OTUD4: variants seen among roughly 807,000 people sequenced by gnomAD.
OTUD4 encodes OTU deubiquitinase 4.
In OTUD4, 24 loss-of-function variants were observed where a neutral mutation model predicts 130.4. The observed-to-expected ratio is 0.18, with a 90% CI of 0.13 to 0.26. The LOEUF is 0.26. OTUD4 is among the 10% of genes least tolerant of loss of function. OTUD4 has a pLI of 1.00. For synonymous variants in OTUD4, 420 were observed against 472.5 expected (o/e 0.89, Z 1.44); for missense variants, 1,031 against 1,329.4 (o/e 0.78, Z 3.49).
rs1750724409 is a variant in OTUD4, at chr4:145,144,385, T to C, written c.1472A>G (p.Gln491Arg). ...ATCACCTACATGTGATGATTTTCTC[T>C]GGACACATGGATTGCTACTCTGAGA... Reference protein sequence around the residue: ...SASQSSNPCVQRKSSHVGDRK... With the variant: ...SASQSSNPCVRRKSSHVGDRK... The change falls in exon 15 of 21, where the codon CAG becomes CGG. Residue 491 changes from glutamine to arginine, a missense_variant. Gln to Arg is a conservative substitution (Grantham distance 43). Around this residue, in one of 3 missense-constraint regions of OTUD4, gnomAD observed 900 missense variants for 1,095.9 expected, o/e 0.82. Coordinates refer to ENST00000447906, the MANE Select transcript of OTUD4 (RefSeq NM_001366057.1). 2 of 1,612,742 alleles carry C rather than the reference T, an allele frequency of 1.2e-6. No individual in the cohort carries two copies. Among genetic ancestry groups the C allele is most frequent in the Non-Finnish European group, 8.5e-7 (1 of 1,179,178 alleles).
At chr4:145,141,329 A>G in intron 19 of OTUD4, 50 bp downstream of exon 19, 1 of 1,494,390 alleles carries the variant, frequency 6.7e-7, no homozygotes, top group Non-Finnish European at 9.0e-7. Flanking sequence ...TTCTTAACTA[A>G]GCTTATTTGG....
chr4:145,162,426 C>A (rs1176659991), intron 6 of OTUD4, among the ~76,000 whole-genome samples: 1 of 151,426 alleles, frequency 6.6e-6, no homozygotes, highest in Non-Finnish European at 1.5e-5. Flanking sequence ...TTGTGGCGGG[C>A]GCCCGTAGTC....
At chr4:145,151,709 A>C (rs952861351) in intron 11 of OTUD4, among the ~76,000 whole-genome samples, 1 of 152,202 alleles carries the variant, frequency 6.6e-6, no homozygotes, top group Non-Finnish European at 1.5e-5. Context: ...GGATTCAAAA[A>C]TTGTGCTGCT....
intron 1 of OTUD4, among the ~76,000 whole-genome samples, chr4:145,176,578 A>G (rs1752438247): frequency 6.6e-6 from 1 of 151,796 alleles, no homozygotes; most frequent in African/African-American, 2.4e-5. Context: ...GCGTGCCTGT[A>G]GTCCCAGCTA....
chr4:145,170,890 T>G (rs904544050), intron 3 of OTUD4: 18 of 152,220 alleles, frequency 1.2e-4, no homozygotes, highest in Admixed American at 1.0e-3. Flanking sequence ...AAAATCCTTT[T>G]AACATAAACA....
rs1750326976 is a variant in OTUD4, at chr4:145,137,357, T to C, written c.*73A>G. 7.7e-7 allele frequency: 1 copy of C among 1,305,952 alleles called. No individual in the cohort carries two copies. The highest frequency in any genetic ancestry group is 1.1e-6 in the Non-Finnish European group (1 of 939,384). The allele number at this position is 1,305,952 out of a possible 1,614,324, so 80.9% of individuals were successfully genotyped here. On this transcript the variant is annotated 3_prime_UTR_variant, in exon 21 of 21. Coordinates refer to ENST00000447906, the MANE Select transcript of OTUD4 (RefSeq NM_001366057.1). The stretch of plus-strand genomic sequence containing the variant: ...AGTTCCAACTGCGGTTTTTACTTTA[T>C]TGTATTTTTTTTAAAGCCTTCAGAA...
chr4:145,146,188 G>A lies in OTUD4; in HGVS notation c.1422+79C>T, dbSNP rs1750813040. The A allele has an allele frequency of 4.6e-6, 4 of 875,504 alleles. No homozygotes were observed. In the East Asian group the frequency reaches 1.2e-4, roughly 26 times the overall value. The allele number at this position is 875,504 out of a possible 1,614,324, so 54.2% of individuals were successfully genotyped here. A position where few individuals can be genotyped will look rare whatever the true frequency, so the allele number is the denominator to read the frequency against. On this transcript the variant is annotated intron_variant, in intron 14 of 20. Transcript: ENST00000447906. The stretch of plus-strand genomic sequence containing the variant: ...GTTTAAAAATTATTAGTTTACCCTT[G>A]GGAACTATGGCTTAATCTAAAAACT...
At chr4:145,157,290 G>T (rs1751339268) in intron 7 of OTUD4, among the ~76,000 whole-genome samples, 1 of 152,148 alleles carries the variant, frequency 6.6e-6, no homozygotes, top group Non-Finnish European at 1.5e-5. Flanking sequence ...ATCTTGAATT[G>T]TAATACTCCC....
At chr4:145,173,032 G>A (rs1752253018) in intron 2 of OTUD4, among the ~76,000 whole-genome samples, 1 of 152,112 alleles carries the variant, frequency 6.6e-6, no homozygotes, top group African/African-American at 2.4e-5. Flanking sequence ...CTGCTTGAAG[G>A]TTCATAAAAG....
rs1375642845 is a variant in OTUD4, at chr4:145,134,588, T to A, written c.*2842A>T. The A allele has an allele frequency of 5.0e-6, 2 of 397,442 alleles. No homozygotes were observed. The highest frequency in any genetic ancestry group is 4.1e-5 in the African/African-American group (2 of 48,578). 24.6% of individuals were successfully genotyped at this position (397,442 alleles called of 1,614,324 possible). A position where few individuals can be genotyped will look rare whatever the true frequency, so the allele number is the denominator to read the frequency against. Reference sequence around the variant, plus strand: ...TACAGTCTGCATTAAATAAGATATATCAGCATTGTGGTCTGGGAAAACCTA... The same window carrying A: ...TACAGTCTGCATTAAATAAGATATAACAGCATTGTGGTCTGGGAAAACCTA... On this transcript the variant is annotated 3_prime_UTR_variant, in exon 21 of 21. Coordinates refer to ENST00000447906, the MANE Select transcript of OTUD4 (RefSeq NM_001366057.1).
intron 13 of OTUD4, among the ~76,000 whole-genome samples, chr4:145,147,461 G>A (rs2126754576): frequency 6.6e-6 from 1 of 152,202 alleles, no homozygotes; most frequent in South Asian, 2.1e-4. Flanking sequence ...GCAACTGTCA[G>A]GAGTCTCTGG....
At chr4:145,146,197 G>T in intron 14 of OTUD4, 70 bp downstream of exon 14, 1 of 990,970 alleles carries the variant, frequency 1.0e-6, no homozygotes, top group Non-Finnish European at 1.4e-6. Flanking sequence ...TGGGAACTAT[G>T]GCTTAATCTA....
rs750977621 is a variant in OTUD4, at chr4:145,138,397, G to C, written c.2378C>G (p.Pro793Arg). The C allele has an allele frequency of 1.1e-5, 17 of 1,614,076 alleles. No individual in the cohort carries two copies. The African/African-American group carries it at 1.6e-4, about 15-fold the overall frequency. ...PEIGPPTFSS[P>R]LVIPPSQVSE... ...CACCTGAGATGGAGGGATAACCAGA[G>C]GTGAAGAAAATGTCGGCGGTCCAAT... Residue 793 changes from proline (P) to arginine (R), a missense_variant, in exon 21 of 21, where the codon CCT becomes CGT. Pro to Arg is a moderately radical substitution (Grantham distance 103, BLOSUM62 -2). Transcript: ENST00000447906.
Position 145,137,868 on chromosome 4 carries a change from G to C in OTUD4, c.2907C>G (p.Asn969Lys), listed in dbSNP as rs770502945. ...CAACAGGCACAGTTTCTCTCTCTCTGTTTAGAATCTGAGTGGGAGGATGAG... is the reference window on the plus strand; with the variant it reads ...CAACAGGCACAGTTTCTCTCTCTCTCTTTAGAATCTGAGTGGGAGGATGAG... ...GKAHPPTQIL[N>K]RERETVPVEL... The change falls in exon 21 of 21, where the codon AAC becomes AAG. Residue 969 changes from asparagine (N) to lysine (K), a missense_variant. This residue lies in a region of OTUD4 where 900 missense variants were observed against 1,095.9 expected (regional missense o/e 0.82). Coordinates refer to ENST00000447906, the MANE Select transcript of OTUD4 (RefSeq NM_001366057.1). 1 of 1,614,028 alleles carries C rather than the reference G, an allele frequency of 6.2e-7. No homozygotes were observed. The highest frequency in any genetic ancestry group is 1.1e-5 in the South Asian group (1 of 91,082).
At chr4:145,172,077 A>C (rs545419405) in intron 2 of OTUD4, among the ~76,000 whole-genome samples, 84 of 152,330 alleles carry the variant, frequency 5.5e-4, no homozygotes, top group South Asian at 3.9e-3. Context: ...GAAGACAAGC[A>C]ATCTGGCCAG....
intron 20 of OTUD4, 68 bp downstream of exon 20, chr4:145,139,883 A>T: frequency 1.9e-6 from 1 of 527,756 alleles, no homozygotes; most frequent in Non-Finnish European, 3.4e-6. Flanking sequence ...GGTAAGAGTT[A>T]ACACTAGTAA....
intron 3 of OTUD4, among the ~76,000 whole-genome samples, chr4:145,165,433 G>C (rs761690686): frequency 6.6e-6 from 1 of 151,772 alleles, no homozygotes; most frequent in Non-Finnish European, 1.5e-5. Context: ...TGAAATGACA[G>C]TTCCTATTGG....
intron 19 of OTUD4, 85 bp downstream of exon 19, chr4:145,141,294 C>A: frequency 8.5e-7 from 1 of 1,171,782 alleles, no homozygotes; most frequent in Non-Finnish European, 1.1e-6. Flanking sequence ...AACCAGACCT[C>A]TGACCTCTAC....
Position 145,136,476 on chromosome 4 carries a change from G to C in OTUD4, c.*954C>G, listed in dbSNP as rs1312718784. The C allele has an allele frequency of 6.5e-5, 3 of 46,482 alleles. 1 individual carries two copies. Among genetic ancestry groups the C allele is most frequent in the African/African-American group, 2.4e-4 (3 of 12,682 alleles). The allele number at this position is 46,482 out of a possible 1,614,324, so 2.9% of individuals were successfully genotyped here. A position where few individuals can be genotyped will look rare whatever the true frequency, so the allele number is the denominator to read the frequency against. ...CAACCAATGGTGCGGGGGGGGGGGG[G>C]AGGAAGAAAACAACTCTAGAAACCT... On this transcript the variant is annotated 3_prime_UTR_variant, in exon 21 of 21. Transcript: ENST00000447906.
Sources: allele counts gnomAD v4.1 joint callset (sites outside exome capture counted in the v4.1 genomes callset), GRCh38; gene constraint gnomAD v4.1.1; regional missense constraint gnomAD v4.1.1; transcripts MANE v1.5; gene names NCBI Gene and HGNC (gene_info 2026-07-23, HGNC 2026-07-21).